The following TJP1 variants were observed in gnomAD, a reference collection of about 807,000 sequenced individuals.
TJP1 encodes tight junction protein ZO-1.
TJP1 carries 43 observed loss-of-function variants against 194.2 expected under a neutral mutation model. The ratio of observed to expected loss-of-function variants is 0.22; its 90% CI spans 0.17 to 0.29. The LOEUF is 0.29. Ranked by LOEUF, TJP1 falls within the 10% of genes least tolerant of loss-of-function variation. The pLI, the probability that TJP1 is intolerant of heterozygous loss-of-function variation, is 1.00. For missense variants in TJP1, 1,971 were observed against 2,185.7 expected, an observed-to-expected ratio of 0.90 and a Z score of 1.96; for synonymous variants, 801 against 779.0, an observed-to-expected ratio of 1.03 and a Z score of -0.47.
intron 1 of TJP1, among the ~76,000 whole-genome samples, chr15:29,811,858 A>AAATGAATG (rs71103411): frequency 0.036 from 5,445 of 150,446 alleles, 120 homozygotes; most frequent in Middle Eastern, 0.065. Flanking sequence ...TCTCTGTCCA[A>AAATGAATG]AATGAATGAA....
intron 1 of TJP1, among the ~76,000 whole-genome samples, chr15:29,959,687 T>A (rs1419153704): frequency 6.6e-6 from 1 of 152,196 alleles, no homozygotes; most frequent in Admixed American, 6.5e-5. Flanking sequence ...ACCTACTAGT[T>A]ACATTTCAAA....
At chr15:29,893,666 T>C (rs1295755887) in intron 2 of TJP1, among the ~76,000 whole-genome samples, 1 of 152,120 alleles carries the variant, frequency 6.6e-6, no homozygotes, top group South Asian at 2.1e-4. Flanking sequence ...TTTTTAACAA[T>C]GAAACATTTT....
chr15:29,831,803 TG>T (rs1305945367), intron 2 of TJP1, among the ~76,000 whole-genome samples: 4 of 152,308 alleles, frequency 2.6e-5, no homozygotes, highest in African/African-American at 9.6e-5. Flanking sequence ...ATGACATGTT[TG>T]GGATTTGCTT....
chr15:29,753,833 A>AC (rs1242692704), intron 8 of TJP1, among the ~76,000 whole-genome samples: 4 of 152,062 alleles, frequency 2.6e-5, no homozygotes, highest in African/African-American at 7.2e-5. Flanking sequence ...AAAAAAAAAA[A>AC]AAAAACAAAG....
At chr15:29,751,635 T>C (rs555114373) in intron 8 of TJP1, among the ~76,000 whole-genome samples, 1 of 152,342 alleles carries the variant, frequency 6.6e-6, no homozygotes, top group Admixed American at 6.5e-5. Context: ...GGTATAATGA[T>C]TATTCTGTAC....
intron 2 of TJP1, among the ~76,000 whole-genome samples, chr15:29,795,998 G>C (rs946541271): frequency 3.3e-5 from 5 of 151,702 alleles, no homozygotes; most frequent in Admixed American, 2.6e-4. Context: ...AGATAAAAGG[G>C]AACTTCCTCA....
chr15:29,878,371 G>T (rs760842476), intron 2 of TJP1, among the ~76,000 whole-genome samples: 49 of 152,268 alleles, frequency 3.2e-4, no homozygotes, highest in Non-Finnish European at 6.5e-4. Flanking sequence ...TCAAGAAGCG[G>T]GTTAACTGTG....
chr15:29,943,367 C>T (rs868236863), intron 2 of TJP1, among the ~76,000 whole-genome samples: 3 of 152,148 alleles, frequency 2.0e-5, no homozygotes, highest in Non-Finnish European at 4.4e-5. Context: ...CAGTGGCTCA[C>T]GCCTGTAATC....
chr15:29,775,960 A>T (rs1213894170), intron 2 of TJP1, among the ~76,000 whole-genome samples: 1 of 152,126 alleles, frequency 6.6e-6, no homozygotes, highest in East Asian at 1.9e-4. Flanking sequence ...GTGCCAAAAC[A>T]TGCAATATCC....
intron 15 of TJP1, among the ~76,000 whole-genome samples, chr15:29,731,592 T>C (rs1034681626): frequency 2.0e-5 from 3 of 152,224 alleles, no homozygotes; most frequent in Non-Finnish European, 4.4e-5. Flanking sequence ...AAATGTGAAA[T>C]GTCAACCCTC....
chr15:29,835,721 T>C (rs2051003878), intron 2 of TJP1, among the ~76,000 whole-genome samples: 1 of 152,126 alleles, frequency 6.6e-6, no homozygotes, highest in Admixed American at 6.6e-5. Context: ...CTAAGAAATG[T>C]GATAAACACC....
At chr15:29,744,219 T>C (rs1416515195) in intron 8 of TJP1, among the ~76,000 whole-genome samples, 2 of 152,134 alleles carry the variant, frequency 1.3e-5, no homozygotes, top group Non-Finnish European at 1.5e-5. Context: ...AACTTTCACA[T>C]GATAACATCA....
chr15:29,968,709 G>A, exon 1 of TJP1: 1 of 1,199,342 alleles, frequency 8.3e-7, no homozygotes, highest in Non-Finnish European at 1.1e-6. Context: ...GCGGTTGGAG[G>A]GGGTGACGCC....
chr15:29,705,767 G>T, intron 25 of TJP1, 22 bp from the exon 26 acceptor site: 1 of 1,607,598 alleles, frequency 6.2e-7, no homozygotes, highest in Non-Finnish European at 8.5e-7. Context: ...GAAATGGCTA[G>T]TGAGTGAATT....
At chr15:29,716,402 T>A (rs1205803703) in intron 23 of TJP1, among the ~76,000 whole-genome samples, 1 of 152,216 alleles carries the variant, frequency 6.6e-6, no homozygotes, top group Non-Finnish European at 1.5e-5. Flanking sequence ...GATGTTAGCA[T>A]CTTTGTGAAT....
intron 2 of TJP1, among the ~76,000 whole-genome samples, chr15:29,795,260 C>T (rs918853092): frequency 5.3e-5 from 8 of 151,922 alleles, no homozygotes; most frequent in African/African-American, 9.6e-5. Flanking sequence ...ACCGGCTCTA[C>T]TAAAAACACA....
chr15:29,847,227 A>G (rs1365435032), intron 2 of TJP1, among the ~76,000 whole-genome samples: 1 of 151,934 alleles, frequency 6.6e-6, no homozygotes, highest in East Asian at 2.0e-4. Flanking sequence ...CTCAGCTTCC[A>G]GAGTAGCTGG....
At chr15:29,865,728 G>A (rs1381650525) in intron 2 of TJP1, among the ~76,000 whole-genome samples, 1 of 152,112 alleles carries the variant, frequency 6.6e-6, no homozygotes. Flanking sequence ...GATCTGGGCT[G>A]GACACCATGA....
At chr15:29,806,325 A>T (rs1284692445) in intron 1 of TJP1, among the ~76,000 whole-genome samples, 1 of 152,206 alleles carries the variant, frequency 6.6e-6, no homozygotes, top group Non-Finnish European at 1.5e-5. Context: ...CAATGGAGCT[A>T]ATACAAAACA....
Sources: allele counts gnomAD v4.1 joint callset (sites outside exome capture counted in the v4.1 genomes callset), GRCh38; gene constraint gnomAD v4.1.1; transcripts MANE v1.5; gene names NCBI Gene and HGNC (gene_info 2026-07-23, HGNC 2026-07-21).